Variants in BTBD8 observed in about 807,000 individuals in gnomAD.
BTBD8 encodes the protein BTB domain containing 8, also known as BTB/POZ domain-containing protein 8.
In BTBD8, 110 loss-of-function variants were observed where a neutral mutation model predicts 162.9. The observed-to-expected ratio is 0.68, with a 90% CI of 0.58 to 0.79. The LOEUF is 0.79. BTBD8 is among the 30% of genes least tolerant of loss of function. The pLI is 0.00. For synonymous variants in BTBD8, 667 were observed against 716.1 expected (o/e 0.93, Z 1.10); for missense variants, 1,905 against 2,085.4 (o/e 0.91, Z 1.68).
chr1:92,120,052 C>T (rs908469584), intron 4 of BTBD8, among the ~76,000 whole-genome samples: 1 of 151,794 alleles, frequency 6.6e-6, no homozygotes, highest in Non-Finnish European at 1.5e-5. Context: ...AGGCATGCAC[C>T]ACCACGCCCG....
chr1:92,167,205 G>A (rs1179102125), intron 10 of BTBD8, 65 bp downstream of exon 10: 11 of 1,515,446 alleles, frequency 7.3e-6, no homozygotes, highest in Non-Finnish European at 8.9e-6. Flanking sequence ...AATTATGTAA[G>A]AGCTTTTAAA....
intron 2 of BTBD8, among the ~76,000 whole-genome samples, chr1:92,092,407 AAAG>A (rs1316157774): frequency 2.0e-5 from 3 of 151,756 alleles, no homozygotes; most frequent in Middle Eastern, 3.2e-3. Flanking sequence ...AAAAAAAAAA[AAAG>A]AAAAGAAGAG....
At chr1:92,160,943 TAG>T (rs1650259447) in intron 9 of BTBD8, among the ~76,000 whole-genome samples, 1 of 152,232 alleles carries the variant, frequency 6.6e-6, no homozygotes, top group Admixed American at 6.5e-5. Flanking sequence ...ATCAGTCATC[TAG>T]GCAACCCCTG....
chr1:92,150,592 T>G (rs1307467658), intron 9 of BTBD8: 2 of 152,352 alleles, frequency 1.3e-5, no homozygotes, highest in South Asian at 2.1e-4. Flanking sequence ...TCCAACATGC[T>G]TTTTCTGGTT....
Position 92,131,632 on chromosome 1 carries a change from G to T in BTBD8, c.752+1856G>T, listed in dbSNP as rs542567766. Among the ~76,000 whole-genome samples the T allele has an allele frequency of 4.6e-5, 7 of 151,696 alleles. No individual in the cohort carries two copies. In the East Asian group the frequency reaches 1.4e-3, roughly 30 times the overall value. On this transcript the variant is annotated intron_variant, in intron 5 of 17. Transcript: ENST00000636805. ...CCAGCTACTCAGGAGGCTGAGGCAG[G>T]AGAATCGCTTGAACTGGGGAGGCAG... is the stretch of plus-strand genomic sequence containing the variant.
At chr1:92,100,024 A>T (rs924516553) in intron 2 of BTBD8, among the ~76,000 whole-genome samples, 1 of 152,192 alleles carries the variant, frequency 6.6e-6, no homozygotes, top group Non-Finnish European at 1.5e-5. Flanking sequence ...AGTTGAGGAC[A>T]TTCTCTTTTA....
intron 2 of BTBD8, among the ~76,000 whole-genome samples, chr1:92,098,226 A>G (rs1648503188): frequency 6.6e-6 from 1 of 152,200 alleles, no homozygotes; most frequent in Non-Finnish European, 1.5e-5. Flanking sequence ...CCAAGGGCCA[A>G]GTTTATAAAT....
intron 2 of BTBD8, among the ~76,000 whole-genome samples, chr1:92,094,404 G>A (rs568372713): frequency 6.6e-6 from 1 of 152,300 alleles, no homozygotes; most frequent in South Asian, 2.1e-4. Context: ...GGAAAATGTT[G>A]ACATGAAAAT....
chr1:92,166,281 T>C (rs1406998989), intron 9 of BTBD8, among the ~76,000 whole-genome samples: 1 of 152,192 alleles, frequency 6.6e-6, no homozygotes, highest in Non-Finnish European at 1.5e-5. Context: ...ATTAGTGCTA[T>C]GCTGGTGTAG....
Position 92,181,659 on chromosome 1 carries a change from C to A in BTBD8, c.3976C>A (p.Gln1326Lys), listed in dbSNP as rs1235897811. Residue 1326 changes from glutamine to lysine, a missense_variant, in exon 17 of 18, where the codon CAA becomes AAA. Physicochemically the swap from Gln to Lys is moderately conservative, Grantham distance 53 (BLOSUM62 1). Around this residue, in one of 3 missense-constraint regions of BTBD8, gnomAD observed 517 missense variants for 606.6 expected, o/e 0.85. Coordinates refer to ENST00000636805, the MANE Select transcript of BTBD8 (RefSeq NM_001376131.1). ...AAGAATTGAAGTAAAAATGAAAAAG[C>A]AAAGTAATAATGATCTTTTCCAAGT... ...NLRIEVKMKK[Q>K]SNNDLFQVNS... 6.4e-7 allele frequency: 1 copy of A among 1,550,470 alleles called. No individual in the cohort carries two copies. The highest frequency in any genetic ancestry group is 8.7e-7 in the Non-Finnish European group (1 of 1,146,292).
intron 4 of BTBD8, among the ~76,000 whole-genome samples, chr1:92,121,551 A>G (rs1244042333): frequency 6.6e-6 from 1 of 152,090 alleles, no homozygotes; most frequent in Non-Finnish European, 1.5e-5. Flanking sequence ...TTTTGTTTTC[A>G]TTCTTTTTTT....
At chr1:92,126,504 T>C (rs2101925697) in intron 4 of BTBD8, 1 of 483,840 alleles carries the variant, frequency 2.1e-6, no homozygotes, top group East Asian at 6.9e-5. Context: ...CTCTCCTCAA[T>C]CCTCTTCACT....
intron 4 of BTBD8, among the ~76,000 whole-genome samples, chr1:92,121,229 A>G (rs1417349244): frequency 1.3e-5 from 2 of 152,086 alleles, no homozygotes. Flanking sequence ...TCCTGAAATA[A>G]TTTCGGTTTG....
chr1:92,121,554 C>CT, intron 4 of BTBD8, among the ~76,000 whole-genome samples: 1 of 152,128 alleles, frequency 6.6e-6, no homozygotes, highest in Non-Finnish European at 1.5e-5. Context: ...TGTTTTCATT[C>CT]TTTTTTTATA....
rs1330852225 is a variant in BTBD8 at position 92,184,025 on chromosome 1, C to T, written c.5074C>T (p.His1692Tyr). 5 of 1,551,452 alleles carry T rather than the reference C, an allele frequency of 3.2e-6. No individual in the cohort carries two copies. The highest frequency in any genetic ancestry group is 1.7e-4 in the Middle Eastern group (1 of 6,012). Residue 1692 changes from histidine to tyrosine, a missense_variant, in exon 18 of 18, where the codon CAT (histidine) becomes TAT (tyrosine). Physicochemically the swap from His to Tyr is moderately conservative, Grantham distance 83 (BLOSUM62 2). Transcript: ENST00000636805. ...VTDMDFEDDQ[H>Y]FAKQDWTLLK... ...AGATATGGATTTTGAAGATGACCAA[C>T]ATTTTGCAAAACAAGATTGGACACT...
intron 1 of BTBD8, among the ~76,000 whole-genome samples, chr1:92,087,317 G>A (rs1648187996): frequency 6.6e-6 from 1 of 152,006 alleles, no homozygotes; most frequent in South Asian, 2.1e-4. Context: ...ATGGGGGGAA[G>A]GAGGGTGGGA....
chr1:92,098,559 C>T (rs754507102), intron 2 of BTBD8, among the ~76,000 whole-genome samples: 6 of 152,040 alleles, frequency 3.9e-5, no homozygotes, highest in Non-Finnish European at 8.8e-5. Context: ...CCAATTTCTC[C>T]ATATTCTCAA....
chr1:92,173,266 TGAAAGTGCTGA>T (rs1410445185), intron 13 of BTBD8, among the ~76,000 whole-genome samples: 4 of 152,176 alleles, frequency 2.6e-5, no homozygotes, highest in Admixed American at 2.6e-4. Context: ...TATTATACCT[TGAAAGTGCTGA>T]GAAACACTAA....
intron 14 of BTBD8, 43 bp downstream of exon 14, chr1:92,177,589 A>T: frequency 7.5e-7 from 1 of 1,338,348 alleles, no homozygotes; most frequent in Non-Finnish European, 1.0e-6. Flanking sequence ...CTGACAGTTA[A>T]ATTTCCTTCA....
Sources: allele counts gnomAD v4.1 joint callset (sites outside exome capture counted in the v4.1 genomes callset), GRCh38; gene constraint gnomAD v4.1.1; regional missense constraint gnomAD v4.1.1; transcripts MANE v1.5; gene names NCBI Gene and HGNC (gene_info 2026-07-23, HGNC 2026-07-21).